The following SLC24A2 variants were observed in gnomAD, a reference collection of about 807,000 sequenced individuals.
SLC24A2 encodes sodium/potassium/calcium exchanger 2.
In SLC24A2, 36 loss-of-function variants were observed where a neutral mutation model predicts 62.0. The observed-to-expected ratio is 0.58, with a 90% confidence interval of 0.44 to 0.77. SLC24A2 has a LOEUF of 0.77. Ranked by LOEUF, SLC24A2 falls within the 30% of genes least tolerant of loss-of-function variation. The pLI, the probability that SLC24A2 is intolerant of heterozygous loss-of-function variation, is 0.00. For missense variants in SLC24A2, 846 were observed against 817.9 expected (o/e 1.03, Z -0.42); for synonymous variants, 358 against 294.0 (o/e 1.22, Z -2.23).
chr9:20,082,724 A>G, the SLC24A2 span, among the ~76,000 whole-genome samples: 1 of 152,196 alleles, frequency 6.6e-6, no homozygotes, highest in Non-Finnish European at 1.5e-5. Context: ...TCTATTCCCC[A>G]TGGTGGGGGA....
the SLC24A2 span, among the ~76,000 whole-genome samples, chr9:20,106,460 G>T: frequency 6.6e-6 from 1 of 152,160 alleles, no homozygotes; most frequent in East Asian, 1.9e-4. Flanking sequence ...TAAAATACTG[G>T]CAAACCGAAT....
the SLC24A2 span, among the ~76,000 whole-genome samples, chr9:20,109,720 C>T: frequency 2.0e-5 from 3 of 152,162 alleles, no homozygotes; most frequent in African/African-American, 7.2e-5. Flanking sequence ...CTTTGGATCC[C>T]TTCATGGTCA....
At chr9:19,700,633 G>C (rs1820329417) in intron 2 of SLC24A2, among the ~76,000 whole-genome samples, 1 of 152,134 alleles carries the variant, frequency 6.6e-6, no homozygotes, top group African/African-American at 2.4e-5. Flanking sequence ...CTTTAGGGCA[G>C]GCAGAGTAGG....
At chr9:19,843,452 C>T in the SLC24A2 span, among the ~76,000 whole-genome samples, 1 of 152,198 alleles carries the variant, frequency 6.6e-6, no homozygotes, top group East Asian at 1.9e-4. Flanking sequence ...GCGGAGGTTG[C>T]AGTGAGCTGA....
chr9:19,825,694 C>T, the SLC24A2 span, among the ~76,000 whole-genome samples: 1 of 152,136 alleles, frequency 6.6e-6, no homozygotes, highest in African/African-American at 2.4e-5. Flanking sequence ...TTACGTCCTG[C>T]CCCACAACAA....
intron 2 of SLC24A2, among the ~76,000 whole-genome samples, chr9:19,717,303 A>C (rs1751221160): frequency 2.0e-5 from 3 of 152,244 alleles, no homozygotes; most frequent in Admixed American, 2.0e-4. Context: ...GTTAGATCAC[A>C]AAGAGAGATA....
At chr9:20,216,559 G>A in the SLC24A2 span, among the ~76,000 whole-genome samples, 1 of 152,096 alleles carries the variant, frequency 6.6e-6, no homozygotes, top group Non-Finnish European at 1.5e-5. Flanking sequence ...TGATCTGGGG[G>A]CTTTCAAAAG....
chr9:20,068,998 G>C, the SLC24A2 span, among the ~76,000 whole-genome samples: 1 of 152,030 alleles, frequency 6.6e-6, no homozygotes, highest in African/African-American at 2.4e-5. Flanking sequence ...AAGAGTGCAA[G>C]AAACTCAAAA....
At chr9:20,136,343 G>C in the SLC24A2 span, among the ~76,000 whole-genome samples, 1 of 152,282 alleles carries the variant, frequency 6.6e-6, no homozygotes, top group Admixed American at 6.5e-5. Context: ...ATTCAAGAAA[G>C]AGGGAAACTG....
intron 5 of SLC24A2, among the ~76,000 whole-genome samples, chr9:19,590,702 C>G (rs1273450060): frequency 6.6e-6 from 1 of 152,032 alleles, no homozygotes; most frequent in Non-Finnish European, 1.5e-5. Flanking sequence ...TTAGTGCCTT[C>G]ACCTACTCAC....
At chr9:19,624,296 T>C (rs1175386447) in intron 2 of SLC24A2, among the ~76,000 whole-genome samples, 1 of 152,162 alleles carries the variant, frequency 6.6e-6, no homozygotes, top group Non-Finnish European at 1.5e-5. Context: ...CTGGAATTGA[T>C]ACCACAGTGT....
the SLC24A2 span, among the ~76,000 whole-genome samples, chr9:19,877,715 C>A: frequency 6.6e-6 from 1 of 151,782 alleles, no homozygotes; most frequent in East Asian, 2.0e-4. Context: ...GAGACAGGAA[C>A]CTGGAGGAAG....
At chr9:19,731,291 A>ATTT (rs1821325048) in intron 2 of SLC24A2, among the ~76,000 whole-genome samples, 1 of 152,156 alleles carries the variant, frequency 6.6e-6, no homozygotes, top group Non-Finnish European at 1.5e-5. Context: ...TGTAAAATAC[A>ATTT]TTTCTTGTGA....
chr9:19,988,868 TA>T, the SLC24A2 span, among the ~76,000 whole-genome samples: 1 of 152,168 alleles, frequency 6.6e-6, no homozygotes, highest in Non-Finnish European at 1.5e-5. Flanking sequence ...TAGGAGGACA[TA>T]AAACATAAAC....
chr9:20,301,971 G>C, the SLC24A2 span, among the ~76,000 whole-genome samples: 1 of 151,980 alleles, frequency 6.6e-6, no homozygotes, highest in Admixed American at 6.6e-5. Context: ...TGCCTTTTCC[G>C]GAATGTCATA....
chr9:19,719,285 G>A (rs1371908269), intron 2 of SLC24A2, among the ~76,000 whole-genome samples: 1 of 152,176 alleles, frequency 6.6e-6, no homozygotes, highest in Non-Finnish European at 1.5e-5. Flanking sequence ...CACCAAATTA[G>A]TAGATAAGAA....
intron 2 of SLC24A2, among the ~76,000 whole-genome samples, chr9:19,754,982 T>C (rs1337307556): frequency 6.6e-6 from 1 of 152,164 alleles, no homozygotes; most frequent in South Asian, 2.1e-4. Context: ...AGATGGTTTC[T>C]ATTTTCTGCA....
the SLC24A2 span, among the ~76,000 whole-genome samples, chr9:20,035,267 T>G: frequency 6.6e-6 from 1 of 152,114 alleles, no homozygotes; most frequent in African/African-American, 2.4e-5. Flanking sequence ...TTAAGTGGGG[T>G]GATTAAATAA....
upstream of SLC24A2, among the ~76,000 whole-genome samples, chr9:19,790,911 T>G (rs763084198): frequency 2.6e-5 from 4 of 152,102 alleles, no homozygotes; most frequent in Non-Finnish European, 5.9e-5. Context: ...TGGTTTCAGG[T>G]TTTTCCCCTA....
Sources: allele counts gnomAD v4.1 joint callset (sites outside exome capture counted in the v4.1 genomes callset), GRCh38; gene constraint gnomAD v4.1.1; transcripts MANE v1.5; gene names NCBI Gene and HGNC (gene_info 2026-07-23, HGNC 2026-07-21).